The following SFI1 variants were observed in gnomAD, a reference collection of about 807,000 sequenced individuals.
The protein encoded by SFI1 is SFI1 centrin binding protein.
Under a neutral mutation model 207.5 loss-of-function variants are expected in SFI1, and 195 were observed. The observed-to-expected ratio is 0.94, with a 90% CI of 0.84 to 1.06. The LOEUF (loss-of-function observed/expected upper bound fraction) is 1.06, where lower values mean the gene tolerates loss of function less well. Among genes scored for constraint, SFI1 ranks in the 50% least tolerant of loss-of-function variants. The pLI is 0.00. For synonymous variants in SFI1, 630 were observed against 598.9 expected (o/e 1.05, Z -0.76); for missense variants, 1,634 against 1,588.0 (o/e 1.03, Z -0.49).
intron 6 of SFI1, among the ~76,000 whole-genome samples, chr22:31,552,512 A>T (rs1164524825): frequency 2.0e-5 from 3 of 152,100 alleles, no homozygotes; most frequent in Admixed American, 6.5e-5. Context: ...TCGGCCTCCC[A>T]AAGTACTGAG....
rs200211281 is a variant in SFI1, at chr22:31,618,143, C to T, written c.3541C>T (p.Arg1181Cys). 29 of 1,585,328 alleles carry T rather than the reference C, an allele frequency of 1.8e-5. No individual in the cohort carries two copies. The highest frequency in any genetic ancestry group is 2.0e-4 in the Middle Eastern group (1 of 4,906). ...WSCRRQASSLRRWLELNREEP... is the reference protein window; with the variant it reads ...WSCRRQASSLCRWLELNREEP... ...CTGTCGGCGGCAAGCGAGCAGCCTG[C>T]GCAGGTGGCTGGAGCTGAACAGAGA... is the stretch of plus-strand genomic sequence containing the variant. Residue 1181 changes from arginine to cysteine, a missense_variant, in exon 32 of 33, where the codon CGC becomes TGC. By Grantham distance (180) the Arg-to-Cys change is radical. Transcript: ENST00000400288.
intron 15 of SFI1, among the ~76,000 whole-genome samples, chr22:31,593,255 C>T (rs1462399243): frequency 1.4e-5 from 2 of 147,900 alleles, no homozygotes; most frequent in Middle Eastern, 3.6e-3. Flanking sequence ...GGTTGCCAGG[C>T]AGAGGGTCTC....
intron 2 of SFI1, among the ~76,000 whole-genome samples, chr22:31,522,180 G>T (rs958380294): frequency 7.1e-6 from 1 of 140,780 alleles, no homozygotes; most frequent in Non-Finnish European, 1.5e-5. Context: ...CTGTTCTCCC[G>T]CCTCAGCCTC....
rs1205578495 is a variant in SFI1, at chr22:31,550,463, T to A, written c.544+115T>A. On this transcript the variant is annotated intron_variant, in intron 6 of 32. Coordinates refer to ENST00000400288, the MANE Select transcript of SFI1 (RefSeq NM_001007467.3). ...GAGGAACTCTAGGCCAAAGGAAGAT[T>A]TGTTTGATTCTCTTTCATATTTTTC... The A allele has an allele frequency of 6.5e-6, 5 of 766,576 alleles. No individual in the cohort carries two copies. In the South Asian group the frequency reaches 7.5e-5, roughly 11 times the overall value. The allele number at this position is 766,576 out of a possible 1,614,324, so 47.5% of individuals were successfully genotyped here. A position where few individuals can be genotyped will look rare whatever the true frequency, so the allele number is the denominator to read the frequency against.
At position 31,615,031 on chromosome 22, in the gene SFI1, G is replaced by T; in HGVS notation, c.3069-17G>T. On this transcript the variant is annotated splice_polypyrimidine_tract_variant and intron_variant, in intron 28 of 32. Transcript: ENST00000400288. Reference sequence around the variant, plus strand: ...GGTCCTGTGGCCTGACCAGGCTCTTGCCTTCCCTGTGCTCAGGCCTCAGAA... The same window carrying T: ...GGTCCTGTGGCCTGACCAGGCTCTTTCCTTCCCTGTGCTCAGGCCTCAGAA... The T allele has an allele frequency of 6.2e-7, 1 of 1,611,218 alleles. No homozygotes were observed. Among genetic ancestry groups the T allele is most frequent in the Non-Finnish European group, 8.5e-7 (1 of 1,179,102 alleles).
Position 31,508,373 on chromosome 22 carries a change from C to G in SFI1, c.89C>G (p.Ser30Cys), listed in dbSNP as rs1178867220. Reference protein sequence around the residue: ...IKQRMEKKVDSRYFKDGAVKK... With the variant: ...IKQRMEKKVDCRYFKDGAVKK... Reference sequence around the variant, plus strand: ...CAGAGAATGGAGAAGAAGGTTGATTCCAGGTGAGTGATGGGACTTGAGAAA... The same window carrying G: ...CAGAGAATGGAGAAGAAGGTTGATTGCAGGTGAGTGATGGGACTTGAGAAA... The change falls in exon 2 of 33, where the codon TCC (serine) becomes TGC (cysteine). Residue 30 changes from serine (S) to cysteine (C), a missense_variant. Ser to Cys is a moderately radical substitution (Grantham distance 112). Coordinates refer to ENST00000400288, the MANE Select transcript of SFI1 (RefSeq NM_001007467.3). 1.9e-6 allele frequency: 3 copies of G among 1,608,110 alleles called. No individual in the cohort carries two copies. The highest frequency in any genetic ancestry group is 2.6e-6 in the Non-Finnish European group (3 of 1,175,818).
chr22:31,581,060 C>T (rs1016927177), intron 12 of SFI1, among the ~76,000 whole-genome samples: 3 of 151,766 alleles, frequency 2.0e-5, no homozygotes, highest in African/African-American at 7.3e-5. Context: ...GGCTGTAGTG[C>T]AGTAGATCAC....
chr22:31,592,467 A>C (rs1350255217), intron 15 of SFI1, among the ~76,000 whole-genome samples: 2 of 27,746 alleles, frequency 7.2e-5, no homozygotes, highest in Non-Finnish European at 1.3e-4. Flanking sequence ...CGACCCCCTC[A>C]CCTCCCTCCC....
Position 31,614,994 on chromosome 22 carries a change from G to C in SFI1, c.3069-54G>C, listed in dbSNP as rs766441900. ...GGCCCCCTTTCCTTCTTGTTCTTTG[G>C]TCCCAGAGGAGGGTCCTGTGGCCTG... On this transcript the variant is annotated intron_variant, in intron 28 of 32. Coordinates refer to ENST00000400288, the MANE Select transcript of SFI1 (RefSeq NM_001007467.3). 2.5e-6 allele frequency: 4 copies of C among 1,587,658 alleles called. No individual in the cohort carries two copies. In the South Asian group the frequency reaches 4.5e-5, roughly 18 times the overall value.
intron 15 of SFI1, among the ~76,000 whole-genome samples, chr22:31,591,309 C>G (rs940151430): frequency 2.1e-4 from 32 of 152,208 alleles, no homozygotes; most frequent in South Asian, 6.2e-4. Flanking sequence ...AACAGGATCC[C>G]AAGGCAGAGG....
Position 31,613,536 on chromosome 22 carries a change from C to A in SFI1, c.2742+6C>A. On this transcript the variant is annotated splice_donor_region_variant and intron_variant, in intron 26 of 32. Transcript: ENST00000400288. The stretch of plus-strand genomic sequence containing the variant: ...AGGCCCAGCAGCAGGTCCAGGTAGG[C>A]CCAGGGCCCCTTCCTGTGGGGAGCA... 1 of 1,583,554 alleles carries A rather than the reference C, an allele frequency of 6.3e-7. No homozygotes were observed.
chr22:31,525,243 G>A (rs2057769349), intron 2 of SFI1, among the ~76,000 whole-genome samples: 1 of 152,108 alleles, frequency 6.6e-6, no homozygotes, highest in Admixed American at 6.6e-5. Context: ...CTAGACGTTT[G>A]AAGTATTTCT....
intron 31 of SFI1, 143 bp from the exon 32 acceptor site, chr22:31,617,972 T>G (rs1317686259): frequency 1.2e-6 from 1 of 858,642 alleles, no homozygotes; most frequent in Non-Finnish European, 1.8e-6. Flanking sequence ...AGCAGGGGCC[T>G]GCAGTTCAGG....
At chr22:31,593,270 C>A (rs1181364748) in intron 15 of SFI1, among the ~76,000 whole-genome samples, 1 of 147,368 alleles carries the variant, frequency 6.8e-6, no homozygotes, top group Non-Finnish European at 1.5e-5. Context: ...GGTCTCCTCA[C>A]TTCTCAGACG....
chr22:31,589,789 TA>T (rs752154664), intron 15 of SFI1, among the ~76,000 whole-genome samples: 1,175 of 96,480 alleles, frequency 0.012, 11 homozygotes, highest in South Asian at 0.045. Context: ...TTTATTTATT[TA>T]TTTTTTTTGT....
At chr22:31,502,885 G>A (rs1444623674) in intron 1 of SFI1, among the ~76,000 whole-genome samples, 2 of 151,960 alleles carry the variant, frequency 1.3e-5, no homozygotes, top group Middle Eastern at 3.4e-3. Context: ...AGGCTGAGGC[G>A]GGCAGATCAC....
intron 4 of SFI1, among the ~76,000 whole-genome samples, chr22:31,545,280 G>A (rs531791233): frequency 2.6e-5 from 4 of 152,088 alleles, no homozygotes; most frequent in Admixed American, 1.3e-4. Context: ...CAGGGAAATC[G>A]CTTGAAGCCG....
rs1462923743 is a variant in SFI1, at chr22:31,592,929, C to T, written c.1544+3352C>T. ...GGGGCTCCTCACTTCCCAGTAGGGGCGGCCGGGCAGAGGCGCCCCTCACCT... is the reference window on the plus strand; with the variant it reads ...GGGGCTCCTCACTTCCCAGTAGGGGTGGCCGGGCAGAGGCGCCCCTCACCT... On this transcript the variant is annotated intron_variant, in intron 15 of 32. Transcript: ENST00000400288. Among the ~76,000 whole-genome samples the T allele has an allele frequency of 1.1e-4, 12 of 110,972 alleles. No homozygotes were observed. In the East Asian group the frequency reaches 2.8e-3, roughly 26 times the overall value. The allele number at this position is 110,972 out of a possible 152,430, so 72.8% of individuals were successfully genotyped here. A position where few individuals can be genotyped will look rare whatever the true frequency, so the allele number is the denominator to read the frequency against.
intron 2 of SFI1, among the ~76,000 whole-genome samples, chr22:31,520,598 G>C (rs976280896): frequency 6.6e-6 from 1 of 151,864 alleles, no homozygotes; most frequent in African/African-American, 2.4e-5. Flanking sequence ...TATTGCCAGA[G>C]GGAAAGTAAT....
Sources: gnomAD v4.1 joint callset for allele counts (sites outside exome capture counted in the v4.1 genomes callset) on GRCh38, gnomAD v4.1.1 for gene constraint, MANE v1.5 for transcripts, NCBI Gene and HGNC (gene_info 2026-07-23, HGNC 2026-07-21) for gene names.